Variants in CDC42BPG observed in about 807,000 individuals in gnomAD.
CDC42BPG encodes serine/threonine-protein kinase MRCK gamma.
A neutral mutation model predicts 192.2 loss-of-function variants in CDC42BPG; 157 were observed. The ratio of observed to expected loss-of-function variants is 0.82; its 90% CI spans 0.72 to 0.93. The LOEUF is 0.93. CDC42BPG is among the 40% of genes least tolerant of loss of function. The pLI is 0.00. For missense variants in CDC42BPG, 1,992 were observed against 2,122.1 expected (o/e 0.94, Z 1.20); for synonymous variants, 981 against 918.5 (o/e 1.07, Z -1.23).
At chr11:64,839,353 G>T in intron 6 of CDC42BPG, 120 bp from the exon 7 acceptor site, 1 of 1,500,278 alleles carries the variant, frequency 6.7e-7, no homozygotes, top group Non-Finnish European at 9.2e-7. Flanking sequence ...CCCACCTGGG[G>T]CCTGGGTCTC....
At position 64,841,714 on chromosome 11, in the gene CDC42BPG, C is replaced by T; in HGVS notation, c.272G>A (p.Arg91Lys). ...AFGEVTVVRQ[R>K]DTGQIFAMKM... ...CATGGCAAAAATCTGCCCAGTGTCCCTCTGCCTCACCACGGTGACCTAAGG... is the reference window on the plus strand; with the variant it reads ...CATGGCAAAAATCTGCCCAGTGTCCTTCTGCCTCACCACGGTGACCTAAGG... Residue 91 changes from arginine to lysine, a missense_variant, in exon 3 of 37, where the codon AGG (arginine) becomes AAG (lysine). Physicochemically the swap from Arg to Lys is conservative, Grantham distance 26. Coordinates refer to ENST00000342711, the MANE Select transcript of CDC42BPG (RefSeq NM_017525.3). 9.9e-6 allele frequency: 16 copies of T among 1,613,976 alleles called. No homozygotes were observed. The highest frequency in any genetic ancestry group is 1.4e-5 in the Non-Finnish European group (16 of 1,180,012).
At chr11:64,826,021 T>A (rs1942398703) in intron 36 of CDC42BPG, among the ~76,000 whole-genome samples, 1 of 146,944 alleles carries the variant, frequency 6.8e-6, no homozygotes, top group Non-Finnish European at 1.5e-5. Flanking sequence ...TGACCGAGAT[T>A]GTGCCACTGC....
In CDC42BPG at chr11:64,841,894, G is replaced by A. The variant is rs750121131; in HGVS notation, c.171C>T (p.Phe57=). 5 of 1,606,082 alleles carry A rather than the reference G, an allele frequency of 3.1e-6. No individual in the cohort carries two copies. The highest frequency in any genetic ancestry group is 2.2e-5 in the South Asian group (2 of 89,942). Residue 57 remains phenylalanine (F), a synonymous_variant, in exon 2 of 37, where the codon TTC becomes TTT. Transcript: ENST00000342711. ...VAQFLSWASP[F]VSKVKELRLQ... ...GACGCAGTTCTTTCACCTTTGATAC[G>A]AAGGGGCTGGCTGAGGGGACACAGG... is the stretch of plus-strand genomic sequence containing the variant.
At position 64,824,350 on chromosome 11, in the gene CDC42BPG, GCCCGGGTCCTC is replaced by G; in HGVS notation, c.*112_*122del. 1.2e-6 allele frequency: 1 copy of G among 802,380 alleles called. No homozygotes were observed. Among genetic ancestry groups the G allele is most frequent in the East Asian group, 2.4e-5 (1 of 40,894 alleles). The allele number at this position is 802,380 out of a possible 1,614,324, so 49.7% of individuals were successfully genotyped here. On this transcript the variant is annotated 3_prime_UTR_variant, in exon 37 of 37. Coordinates refer to ENST00000342711, the MANE Select transcript of CDC42BPG (RefSeq NM_017525.3). ...AGGCAAGTCTCCCAGTCATTGCCCA[GCCCGGGTCCTC>G]CCTGAGTCCGAATTTCCATGTCCCG...
chr11:64,835,919 T>G, intron 13 of CDC42BPG, 68 bp from the exon 14 acceptor site: 1 of 1,456,264 alleles, frequency 6.9e-7, no homozygotes, highest in East Asian at 2.5e-5. Context: ...CACCTTACCA[T>G]GGACTCCAGA....
At chr11:64,829,065 C>T (rs1381594372) in intron 30 of CDC42BPG, among the ~76,000 whole-genome samples, 1 of 151,876 alleles carries the variant, frequency 6.6e-6, no homozygotes, top group Admixed American at 6.6e-5. Context: ...CAAAACAAAA[C>T]AAAAATTAGC....
Position 64,827,799 on chromosome 11 carries a change from G to A in CDC42BPG, c.3968-16C>T, listed in dbSNP as rs1466902408. 5 of 1,581,030 alleles carry A rather than the reference G, an allele frequency of 3.2e-6. No homozygotes were observed. The highest frequency in any genetic ancestry group is 3.4e-6 in the Non-Finnish European group (4 of 1,162,002). On this transcript the variant is annotated splice_polypyrimidine_tract_variant and intron_variant, in intron 30 of 36. Coordinates refer to ENST00000342711, the MANE Select transcript of CDC42BPG (RefSeq NM_017525.3). ...GCCGCATACCCTGCGGGCACGCCAG[G>A]CACCTCTGAGCTGTTTCCCCCTCTG...
rs768435210 is a variant in CDC42BPG, at chr11:64,830,240, C to G, written c.3321G>C (p.Ala1107=). Residue 1107 remains alanine (A), a synonymous_variant, in exon 29 of 37, where the codon GCG becomes GCC. Coordinates refer to ENST00000342711, the MANE Select transcript of CDC42BPG (RefSeq NM_017525.3). The part of the protein sequence containing the change: ...CAAILDQDRL[A]LGTEEGLFVI... ...CAAAGAGCCCCTCCTCGGTGCCAAG[C>G]GCAAGTCGATCCTGGTCTGGTAGAG... 1.2e-6 allele frequency: 2 copies of G among 1,610,660 alleles called. No homozygotes were observed. Among genetic ancestry groups the G allele is most frequent in the South Asian group, 2.2e-5 (2 of 90,430 alleles).
In CDC42BPG at chr11:64,833,739, C is replaced by T. The variant is rs370475063; in HGVS notation, c.2564G>A (p.Gly855Glu). Reference sequence around the variant, plus strand: ...TACGATGGACCCACCTGTCCTCACCCCCATGCGCAGGCTGCGTCGGCCCTC... The same window carrying T: ...TACGATGGACCCACCTGTCCTCACCTCCATGCGCAGGCTGCGTCGGCCCTC... ...RPEGRRSLRMGAVFPRAPTAN... is the reference protein window; with the variant it reads ...RPEGRRSLRMEAVFPRAPTAN... Residue 855 changes from glycine (G) to glutamate (E), a missense_variant and splice_region_variant, in exon 22 of 37, where the codon GGG becomes GAG. Physicochemically the swap from Gly to Glu is moderately conservative, Grantham distance 98. This residue lies in a region of CDC42BPG where 1,656 missense variants were observed against 1,844.3 expected (regional missense o/e 0.90). Coordinates refer to ENST00000342711, the MANE Select transcript of CDC42BPG (RefSeq NM_017525.3). 197 of 1,614,064 alleles carry T rather than the reference C, an allele frequency of 1.2e-4. No homozygotes were observed. Among genetic ancestry groups the T allele is most frequent in the African/African-American group, 1.1e-3 (79 of 75,070 alleles).
Position 64,828,682 on chromosome 11 carries a change from C to T in CDC42BPG, c.3967+789G>A, listed in dbSNP as rs192748509. On this transcript the variant is annotated intron_variant, in intron 30 of 36. Transcript: ENST00000342711. ...GTAATCCCAGCACTTTGGGAGGCCG[C>T]GCGGGAGGATTGCTTGAGTTCAGGA... 8.3e-3 allele frequency among the ~76,000 whole-genome samples: 1,256 copies of T among 151,900 alleles called. 7 individuals carry two copies. Among genetic ancestry groups the T allele is most frequent in the Non-Finnish European group, 0.013 (885 of 67,956 alleles).
chr11:64,827,779 A>G lies in CDC42BPG; in HGVS notation c.3972T>C (p.Tyr1324=), dbSNP rs555907623. The change falls in exon 31 of 37, where the codon TAT becomes TAC. Residue 1324 remains tyrosine, a synonymous_variant. Transcript: ENST00000342711. ...TGAACACTGTCAGGTAGGGGGCCGC[A>G]TACCCTGCGGGCACGCCAGGCACCT... The part of the protein sequence containing the change: ...LWPAAPMGWG[Y]AAPYLTVFSE... 7 of 1,606,912 alleles carry G rather than the reference A, an allele frequency of 4.4e-6. No individual in the cohort carries two copies. Among genetic ancestry groups the G allele is most frequent in the African/African-American group, 1.3e-5 (1 of 74,866 alleles).
At position 64,844,448 on chromosome 11, in the gene CDC42BPG, AG is replaced by A; in HGVS notation, c.121del (p.Leu41TyrfsTer11). On this transcript the variant is annotated frameshift_variant, in exon 1 of 37. Transcript: ENST00000342711. LOFTEE classifies it high-confidence loss of function. ...CTGCGCCACGCTGCGCTCCCGCCGT[AG>A]GGGGCCGCTGCTGAGCTCGTGGTGC... is the stretch of plus-strand genomic sequence containing the variant. ...ALHHELSSGP[L>X]RRERSVAQFL... 1 of 1,472,202 alleles carries A rather than the reference AG, an allele frequency of 6.8e-7. No individual in the cohort carries two copies. The highest frequency in any genetic ancestry group is 8.9e-7 in the Non-Finnish European group (1 of 1,117,526). The allele number at this position is 1,472,202 out of a possible 1,614,324, so 91.2% of individuals were successfully genotyped here.
intron 5 of CDC42BPG, 107 bp downstream of exon 5, chr11:64,840,013 G>C: frequency 1.8e-6 from 2 of 1,140,128 alleles, no homozygotes; most frequent in Non-Finnish European, 2.5e-6. Flanking sequence ...CCAGAGAAGT[G>C]CCTGGCACAT....
At chr11:64,826,106 C>T (rs997057998) in intron 36 of CDC42BPG, among the ~76,000 whole-genome samples, 66 of 150,788 alleles carry the variant, frequency 4.4e-4, no homozygotes, top group East Asian at 1.8e-3. Context: ...AGCTCCCCTT[C>T]TGTGGCACCT....
At position 64,830,222 on chromosome 11, in the gene CDC42BPG, C is replaced by T; in HGVS notation, c.3339G>A (p.Gly1113=). The T allele has an allele frequency of 6.2e-7, 1 of 1,613,078 alleles. No homozygotes were observed. Among genetic ancestry groups the T allele is most frequent in the South Asian group, 1.1e-5 (1 of 90,852 alleles). Residue 1113 remains glycine, a synonymous_variant, in exon 29 of 37, where the codon GGG becomes GGA. Coordinates refer to ENST00000342711, the MANE Select transcript of CDC42BPG (RefSeq NM_017525.3). ...TGCTGCGCAGATGGATGACAAAGAGCCCCTCCTCGGTGCCAAGCGCAAGTC... is the reference window on the plus strand; with the variant it reads ...TGCTGCGCAGATGGATGACAAAGAGTCCCTCCTCGGTGCCAAGCGCAAGTC... ...QDRLALGTEE[G]LFVIHLRSND...
rs762833675 is a variant in CDC42BPG, at chr11:64,831,686, C to T, written c.3123G>A (p.Thr1041=). Residue 1041 remains threonine, a synonymous_variant, in exon 28 of 37, where the codon ACG becomes ACA. Transcript: ENST00000342711. ...TCTCTGCCAGCAGCAGCACAGTGCACGTGGTGGGCGGCACTGCCAGCTGGG... is the reference window on the plus strand; with the variant it reads ...TCTCTGCCAGCAGCAGCACAGTGCATGTGGTGGGCGGCACTGCCAGCTGGG... ...TTSQLAVPPT[T]CTVLLLAESE... The T allele has an allele frequency of 1.2e-5, 20 of 1,606,142 alleles. No individual in the cohort carries two copies. The highest frequency in any genetic ancestry group is 2.2e-5 in the South Asian group (2 of 90,504).
In CDC42BPG at chr11:64,834,513, G is replaced by C. The variant is rs768015201; in HGVS notation, c.2240C>G (p.Ser747Ter). The C allele has an allele frequency of 1.9e-6, 3 of 1,581,442 alleles. No homozygotes were observed. The highest frequency in any genetic ancestry group is 2.6e-6 in the Non-Finnish European group (3 of 1,163,092). Residue 747 changes from serine (S) to a stop codon, truncating the protein, a stop_gained, in exon 19 of 37, where the codon TCA becomes TGA. Coordinates refer to ENST00000342711, the MANE Select transcript of CDC42BPG (RefSeq NM_017525.3). LOFTEE classifies it high-confidence loss of function. Reference protein sequence around the residue: ...MEASARLELQSALEAEIRAKQ... With the variant: ...MEASARLELQ ...GGCGCGGATCTCGGCCTCCAGCGCT[G>C]ACTGCAGCTCCAGCCTGGCCGAGGC... is the stretch of plus-strand genomic sequence containing the variant.
Position 64,840,616 on chromosome 11 carries a change from G to C in CDC42BPG, c.369C>G (p.Leu123=). The C allele has an allele frequency of 6.2e-7, 1 of 1,613,892 alleles. No individual in the cohort carries two copies. Among genetic ancestry groups the C allele is most frequent in the African/African-American group, 1.3e-5 (1 of 75,062 alleles). Reference sequence around the variant, plus strand: ...TCACCCAACGGCTGTCCCCTTTCACGAGCACATCCCGCTCCTCCCGGAAAC... The same window carrying C: ...TCACCCAACGGCTGTCCCCTTTCACCAGCACATCCCGCTCCTCCCGGAAAC... ...TACFREERDV[L]VKGDSRWVTT... Residue 123 remains leucine, a synonymous_variant, in exon 4 of 37, where the codon CTC becomes CTG. Coordinates refer to ENST00000342711, the MANE Select transcript of CDC42BPG (RefSeq NM_017525.3).
In CDC42BPG at chr11:64,836,911, G is replaced by A. The variant is rs371008914; in HGVS notation, c.1303+11C>T. 161 of 1,612,692 alleles carry A rather than the reference G, an allele frequency of 1.0e-4. No homozygotes were observed. The African/African-American group carries it at 1.6e-3, about 16-fold the overall frequency. The stretch of plus-strand genomic sequence containing the variant: ...CAGCACACCCAGGCCCGGCCCAGCC[G>A]CTCCCAGTACCTTGGTGCTTCCTGC... On this transcript the variant is annotated intron_variant, in intron 10 of 36. Coordinates refer to ENST00000342711, the MANE Select transcript of CDC42BPG (RefSeq NM_017525.3).
Sources: gnomAD v4.1 joint callset for allele counts (sites outside exome capture counted in the v4.1 genomes callset) on GRCh38, gnomAD v4.1.1 for gene constraint, gnomAD v4.1.1 regional missense constraint, MANE v1.5 for transcripts, NCBI Gene and HGNC (gene_info 2026-07-23, HGNC 2026-07-21) for gene names.